The following PDS5B variants were observed in gnomAD, a reference collection of about 807,000 sequenced individuals.
PDS5B encodes the protein sister chromatid cohesion protein PDS5 homolog B.
Under a neutral mutation model 184.1 loss-of-function variants are expected in PDS5B, and 51 were observed. The observed-to-expected ratio is 0.28, with a 90% CI of 0.22 to 0.35. PDS5B has a LOEUF of 0.35. PDS5B is among the 10% of genes least tolerant of loss of function. The pLI, the probability that PDS5B is intolerant of heterozygous loss-of-function variation, is 1.00. For synonymous variants in PDS5B, 566 were observed against 569.2 expected, an observed-to-expected ratio of 0.99 and a Z score of 0.08; for missense variants, 1,180 against 1,723.3, an observed-to-expected ratio of 0.68 and a Z score of 5.58.
At chr13:32,690,824 G>A (rs1259332235) in intron 13 of PDS5B, 1 of 152,028 alleles carries the variant, frequency 6.6e-6, no homozygotes, top group Non-Finnish European at 1.5e-5. Context: ...TACAAAAATG[G>A]TTGGTGAATG....
intron 19 of PDS5B, among the ~76,000 whole-genome samples, chr13:32,711,611 G>A (rs1013741314): frequency 7.9e-5 from 12 of 152,202 alleles, no homozygotes; most frequent in East Asian, 1.9e-4. Flanking sequence ...GCCCGCTTCC[G>A]CCTCCCAAAG....
rs141098075 is a variant in PDS5B, at chr13:32,628,382, C to T, written c.-19-20372C>T. Among the ~76,000 whole-genome samples, 40 of 151,820 alleles carry T rather than the reference C, an allele frequency of 2.6e-4. 2 individuals carry two copies. The Middle Eastern group carries it at 0.017, about 65-fold the overall frequency. ...GACCACCCTGGCCAAGGTGAAACCC[C>T]GTCTCTACAAAAAATACAAGCCGGA... is the stretch of plus-strand genomic sequence containing the variant. On this transcript the variant is annotated intron_variant, in intron 1 of 34. Coordinates refer to ENST00000315596, the MANE Select transcript of PDS5B (RefSeq NM_015032.4).
At chr13:32,723,992 C>T (rs1952809021) in intron 19 of PDS5B, among the ~76,000 whole-genome samples, 1 of 152,224 alleles carries the variant, frequency 6.6e-6, no homozygotes, top group Non-Finnish European at 1.5e-5. Flanking sequence ...TGCCTCCACA[C>T]ACTCCCTTGC....
rs755368574 is a variant in PDS5B at position 32,764,473 on chromosome 13, A to G, written c.3519-16A>G. On this transcript the variant is annotated splice_polypyrimidine_tract_variant and intron_variant, in intron 30 of 34. Coordinates refer to ENST00000315596, the MANE Select transcript of PDS5B (RefSeq NM_015032.4). ...TATTTGATTGTAATAACAATTACAA[A>G]TGTCTGTATTAAAAGGCTTGATAGT... 5 of 1,417,470 alleles carry G rather than the reference A, an allele frequency of 3.5e-6. No individual in the cohort carries two copies. The highest frequency in any genetic ancestry group is 4.9e-6 in the Non-Finnish European group (5 of 1,025,908). 87.8% of individuals were successfully genotyped at this position (1,417,470 alleles called of 1,614,324 possible).
chr13:32,673,997 T>TA (rs1286278953), intron 8 of PDS5B, among the ~76,000 whole-genome samples: 1 of 151,938 alleles, frequency 6.6e-6, no homozygotes, highest in Non-Finnish European at 1.5e-5. Context: ...TATTTTTTGG[T>TA]AGAGACAGGG....
chr13:32,619,748 C>A (rs2058269730), intron 1 of PDS5B, among the ~76,000 whole-genome samples: 1 of 152,100 alleles, frequency 6.6e-6, no homozygotes, highest in African/African-American at 2.4e-5. Flanking sequence ...CATTACGTGG[C>A]CCCCAAAATG....
chr13:32,765,670 C>T (rs556963116), intron 31 of PDS5B, among the ~76,000 whole-genome samples: 1 of 152,340 alleles, frequency 6.6e-6, no homozygotes, highest in South Asian at 2.1e-4. Flanking sequence ...GTGGCACGAT[C>T]TGGGCTCACT....
At chr13:32,648,918 G>A (rs768336939) in intron 2 of PDS5B, 38 bp downstream of exon 2, 48 of 917,558 alleles carry the variant, frequency 5.2e-5, no homozygotes, top group Non-Finnish European at 8.6e-5. Context: ...TCTGTGTAGG[G>A]CAGAGGTCCC....
intron 3 of PDS5B, 56 bp from the exon 4 acceptor site, chr13:32,658,183 G>A: frequency 1.2e-6 from 1 of 810,060 alleles, no homozygotes; most frequent in Non-Finnish European, 2.1e-6. Flanking sequence ...GAGTTTCATG[G>A]TTATTTTCAT....
rs147721969 is a variant in PDS5B, at chr13:32,635,595, A to G, written c.-19-13159A>G. ...TTGACCTCATGATCTGGCCGCCTCA[A>G]CCTCCCAAAGTGCTGGGATTACAGG... is the stretch of plus-strand genomic sequence containing the variant. On this transcript the variant is annotated intron_variant, in intron 1 of 34. Coordinates refer to ENST00000315596, the MANE Select transcript of PDS5B (RefSeq NM_015032.4). Among the ~76,000 whole-genome samples the G allele has an allele frequency of 7.9e-3, 1,003 of 126,426 alleles. 10 individuals carry two copies. The highest frequency in any genetic ancestry group is 0.028 in the African/African-American group (945 of 33,330). 82.9% of individuals were successfully genotyped at this position (126,426 alleles called of 152,430 possible). A position where few individuals can be genotyped will look rare whatever the true frequency, so the allele number is the denominator to read the frequency against.
chr13:32,687,700 A>G (rs1419189394), intron 12 of PDS5B, among the ~76,000 whole-genome samples: 2 of 152,204 alleles, frequency 1.3e-5, no homozygotes, highest in African/African-American at 2.4e-5. Flanking sequence ...TATATAAAAA[A>G]CACATTATCT....
In PDS5B at chr13:32,734,011, C is replaced by CACACACACACACACACACACACACAA. The variant is rs1341139943; in HGVS notation, c.2248-1158_2248-1157insCACACACACACACACACACACAAACA. On this transcript the variant is annotated intron_variant, in intron 20 of 34. Transcript: ENST00000315596. Reference sequence around the variant, plus strand: ...ACACACACACACACACACACACACACACAAACATATATTTTGTTTTCTTTT... The same window carrying CACACACACACACACACACACACACAA: ...ACACACACACACACACACACACACACACACACACACACACACACACACACAAACAAACATATATTTTGTTTTCTTTT... 3.4e-4 allele frequency among the ~76,000 whole-genome samples: 51 copies of CACACACACACACACACACACACACAA among 151,478 alleles called. 1 individual carries two copies. The highest frequency in any genetic ancestry group is 1.2e-3 in the African/African-American group (51 of 41,122).
intron 19 of PDS5B, among the ~76,000 whole-genome samples, chr13:32,718,182 G>A (rs946076798): frequency 7.4e-5 from 11 of 149,562 alleles, no homozygotes; most frequent in Non-Finnish European, 1.6e-4. Flanking sequence ...ACGGAGTCTC[G>A]CTCTGTCGCC....
chr13:32,729,188 C>T (rs138028419), intron 19 of PDS5B, among the ~76,000 whole-genome samples: 14 of 152,012 alleles, frequency 9.2e-5, no homozygotes, highest in Non-Finnish European at 1.8e-4. Flanking sequence ...TGAGTGAGAA[C>T]ATGTGTTGTT....
At chr13:32,701,666 A>G (rs996289310) in intron 17 of PDS5B, among the ~76,000 whole-genome samples, 1 of 151,898 alleles carries the variant, frequency 6.6e-6, no homozygotes, top group African/African-American at 2.4e-5. Flanking sequence ...ATTTGTTGTT[A>G]TTCTTGTTAT....
intron 1 of PDS5B, among the ~76,000 whole-genome samples, chr13:32,605,397 A>G (rs2058044132): frequency 6.6e-6 from 1 of 152,164 alleles, no homozygotes; most frequent in Admixed American, 6.5e-5. Flanking sequence ...TGAGTTTCTT[A>G]ATCCTGAGTT....
intron 17 of PDS5B, among the ~76,000 whole-genome samples, chr13:32,703,816 T>G (rs949917518): frequency 1.3e-5 from 2 of 152,214 alleles, no homozygotes; most frequent in Admixed American, 6.5e-5. Flanking sequence ...TAAAAAAAAT[T>G]TTTGTGTTTC....
intron 21 of PDS5B, 30 bp from the exon 22 acceptor site, chr13:32,741,050 G>GTT (rs371933463): frequency 0.04 from 40,528 of 1,021,446 alleles, 398 homozygotes; most frequent in Non-Finnish European, 0.046. Flanking sequence ...TAAAGTCCCT[G>GTT]GTTTTTTTTT....
At chr13:32,754,664 G>GT (rs1362451955) in intron 25 of PDS5B, among the ~76,000 whole-genome samples, 14 of 151,968 alleles carry the variant, frequency 9.2e-5, no homozygotes, top group Non-Finnish European at 1.0e-4. Flanking sequence ...GTCGTATTTT[G>GT]GCAGATTACT....
Sources: allele counts gnomAD v4.1 joint callset (sites outside exome capture counted in the v4.1 genomes callset), GRCh38; gene constraint gnomAD v4.1.1; transcripts MANE v1.5; gene names NCBI Gene and HGNC (gene_info 2026-07-23, HGNC 2026-07-21).